The following RGS7 variants were observed in gnomAD, a reference collection of about 807,000 sequenced individuals.
RGS7 encodes regulator of G-protein signaling 7.
A neutral mutation model predicts 81.1 loss-of-function variants in RGS7; 27 were observed. The observed-to-expected ratio is 0.33, with a 90% CI of 0.25 to 0.46. The LOEUF is 0.46. RGS7 is among the 20% of genes least tolerant of loss of function. The pLI is 1.00. For synonymous variants in RGS7, 208 were observed against 207.7 expected (o/e 1.00, Z -0.01); for missense variants, 396 against 607.4 (o/e 0.65, Z 3.66).
chr1:241,270,903 A>C (rs1334238364), intron 2 of RGS7, among the ~76,000 whole-genome samples: 6 of 113,432 alleles, frequency 5.3e-5, no homozygotes, highest in South Asian at 3.7e-4. Flanking sequence ...GGGCTACAGG[A>C]GCCCACCACC....
At chr1:240,779,313 C>T (rs372281439) in intron 18 of RGS7, among the ~76,000 whole-genome samples, 13 of 152,170 alleles carry the variant, frequency 8.5e-5, no homozygotes, top group East Asian at 1.9e-4. Flanking sequence ...TGCACCACCA[C>T]GCCCGGCTAA....
At chr1:241,295,367 C>A (rs1192772417) in intron 2 of RGS7, among the ~76,000 whole-genome samples, 2 of 150,914 alleles carry the variant, frequency 1.3e-5, no homozygotes, top group African/African-American at 2.4e-5. Flanking sequence ...GCAGGAGAAT[C>A]ATTTGAACCT....
chr1:240,966,451 T>C (rs1157885422), intron 4 of RGS7, among the ~76,000 whole-genome samples: 3 of 152,112 alleles, frequency 2.0e-5, no homozygotes, highest in Non-Finnish European at 4.4e-5. Flanking sequence ...TTGGGTTTTC[T>C]CTTTATGATT....
At chr1:241,202,011 G>GAAGAACACACACAC (rs138116326) in intron 2 of RGS7, among the ~76,000 whole-genome samples, 4,496 of 144,992 alleles carry the variant, frequency 0.031, 132 homozygotes, top group African/African-American at 0.072. Flanking sequence ...GACACACACA[G>GAAGAACACACACAC]ACACACACAC....
At position 240,932,430 on chromosome 1, in the gene RGS7, C is replaced by T. The variant is rs182304604; in HGVS notation, c.334-1662G>A. 3.7e-3 allele frequency among the ~76,000 whole-genome samples: 560 copies of T among 151,632 alleles called. 2 individuals are homozygous for T. The highest frequency in any genetic ancestry group is 5.6e-3 in the Non-Finnish European group (378 of 67,926). ...AGATGAAGCTTTGAGAATTCGATTT[C>T]TTAAAAATAAAATTGAATCAGGATT... On this transcript the variant is annotated intron_variant, in intron 5 of 18. Coordinates refer to ENST00000440928, the MANE Select transcript of RGS7 (RefSeq NM_001364886.1).
chr1:240,951,399 T>C (rs1290752610), intron 4 of RGS7, among the ~76,000 whole-genome samples: 1 of 152,082 alleles, frequency 6.6e-6, no homozygotes, highest in Non-Finnish European at 1.5e-5. Context: ...GTGCAAAACA[T>C]GGAAGAGTAG....
At chr1:241,012,098 T>C (rs1187711071) in intron 3 of RGS7, among the ~76,000 whole-genome samples, 2 of 152,170 alleles carry the variant, frequency 1.3e-5, no homozygotes, top group African/African-American at 4.8e-5. Flanking sequence ...TAGCCAGTTA[T>C]AGACAACAGT....
chr1:241,126,714 G>A (rs1479832742), intron 2 of RGS7, among the ~76,000 whole-genome samples: 1 of 152,114 alleles, frequency 6.6e-6, no homozygotes, highest in African/African-American at 2.4e-5. Flanking sequence ...GAGAGGTTAG[G>A]AAAGTGCCCG....
At chr1:241,183,643 T>C (rs1356687719) in intron 2 of RGS7, among the ~76,000 whole-genome samples, 1 of 152,226 alleles carries the variant, frequency 6.6e-6, no homozygotes, top group Non-Finnish European at 1.5e-5. Flanking sequence ...ACTTATACTA[T>C]AGAGAAGAGA....
At chr1:241,313,482 T>C (rs2080675970) in intron 2 of RGS7, among the ~76,000 whole-genome samples, 1 of 152,160 alleles carries the variant, frequency 6.6e-6, no homozygotes, top group African/African-American at 2.4e-5. Flanking sequence ...CTGCCTGTGC[T>C]CTATCAATGG....
At chr1:241,116,933 T>C (rs1001124011) in intron 2 of RGS7, among the ~76,000 whole-genome samples, 2 of 152,180 alleles carry the variant, frequency 1.3e-5, no homozygotes, top group Non-Finnish European at 2.9e-5. Flanking sequence ...CCATGTAATA[T>C]AGATAATGCA....
chr1:240,928,021 C>T (rs1478102204), intron 6 of RGS7, among the ~76,000 whole-genome samples: 1 of 152,162 alleles, frequency 6.6e-6, no homozygotes, highest in Non-Finnish European at 1.5e-5. Context: ...ATGATTTACT[C>T]TCTATGTAGA....
chr1:241,138,577 G>A (rs989538156), intron 2 of RGS7, among the ~76,000 whole-genome samples: 1 of 152,216 alleles, frequency 6.6e-6, no homozygotes, highest in Non-Finnish European at 1.5e-5. Context: ...TGGTCCAGCT[G>A]TAGCAGAGCC....
chr1:241,008,832 A>T (rs2058809566), intron 3 of RGS7, among the ~76,000 whole-genome samples: 1 of 147,290 alleles, frequency 6.8e-6, no homozygotes, highest in Non-Finnish European at 1.5e-5. Flanking sequence ...GAATTGCTTG[A>T]ACCTGGGAGG....
chr1:241,267,438 A>T (rs1008466417), intron 2 of RGS7, among the ~76,000 whole-genome samples: 3 of 152,142 alleles, frequency 2.0e-5, no homozygotes, highest in Admixed American at 2.0e-4. Context: ...TTTCTCTTCG[A>T]TGTTCTAAAA....
intron 6 of RGS7, among the ~76,000 whole-genome samples, chr1:240,930,472 A>G (rs1310276436): frequency 2.6e-5 from 4 of 152,220 alleles, no homozygotes; most frequent in Admixed American, 1.3e-4. Context: ...GCTTATTTAC[A>G]GCTCTTTAAC....
intron 3 of RGS7, among the ~76,000 whole-genome samples, chr1:241,027,073 C>T (rs537441328): frequency 1.3e-5 from 2 of 149,124 alleles, no homozygotes; most frequent in Non-Finnish European, 3.0e-5. Flanking sequence ...CGGGGTGGTA[C>T]GTGCCTGTAG....
intron 18 of RGS7, among the ~76,000 whole-genome samples, chr1:240,799,954 A>G (rs1368925854): frequency 6.6e-6 from 1 of 152,204 alleles, no homozygotes; most frequent in Non-Finnish European, 1.5e-5. Context: ...TGATGTTGGA[A>G]GAAGGACAAC....
chr1:241,180,012 T>C (rs970957635), intron 2 of RGS7, among the ~76,000 whole-genome samples: 4 of 152,314 alleles, frequency 2.6e-5, no homozygotes, highest in African/African-American at 9.6e-5. Context: ...TGAGGTTCTA[T>C]AGAATTGACA....
Sources: allele counts gnomAD v4.1 joint callset (sites outside exome capture counted in the v4.1 genomes callset), GRCh38; gene constraint gnomAD v4.1.1; transcripts MANE v1.5; gene names NCBI Gene and HGNC (gene_info 2026-07-23, HGNC 2026-07-21).